CADPS: variants seen among roughly 807,000 people sequenced by gnomAD.
CADPS encodes the protein calcium-dependent secretion activator 1.
In CADPS, 57 loss-of-function variants were observed where a neutral mutation model predicts 167.3. That is an observed-to-expected ratio of 0.34 (90% CI 0.28 to 0.42). CADPS has a LOEUF of 0.42. CADPS is among the 20% of genes least tolerant of loss of function. CADPS has a pLI of 1.00. For missense variants in CADPS, 1,414 were observed against 1,738.1 expected (o/e 0.81, Z 3.32); for synonymous variants, 676 against 635.3 (o/e 1.06, Z -0.96).
chr3:62,549,498 A>G (rs2077002463), intron 11 of CADPS, among the ~76,000 whole-genome samples: 1 of 146,222 alleles, frequency 6.8e-6, no homozygotes. Context: ...TTATTTTTAA[A>G]TGGTTCTAAA....
intron 3 of CADPS, among the ~76,000 whole-genome samples, chr3:62,700,827 T>C (rs1260352378): frequency 6.6e-6 from 1 of 150,508 alleles, no homozygotes; most frequent in Non-Finnish European, 1.5e-5. Context: ...CTCAGTCAGT[T>C]TGGGCTGCTA....
At chr3:62,479,095 G>T (rs1215470204) in intron 22 of CADPS, among the ~76,000 whole-genome samples, 1 of 152,174 alleles carries the variant, frequency 6.6e-6, no homozygotes, top group African/African-American at 2.4e-5. Context: ...TCGAGACAGT[G>T]GAAGTTAGTG....
At chr3:62,833,678 G>A (rs929477605) in intron 1 of CADPS, among the ~76,000 whole-genome samples, 2 of 151,986 alleles carry the variant, frequency 1.3e-5, no homozygotes, top group African/African-American at 2.4e-5. Context: ...GCAAAATACT[G>A]CAGTGCTTTC....
intron 3 of CADPS, among the ~76,000 whole-genome samples, chr3:62,689,549 T>C (rs557488160): frequency 3.3e-5 from 5 of 152,210 alleles, no homozygotes; most frequent in South Asian, 2.1e-4. Flanking sequence ...CACTGCTTTA[T>C]AAAATGTAGT....
intron 3 of CADPS, among the ~76,000 whole-genome samples, chr3:62,712,774 A>G (rs1168508077): frequency 6.6e-6 from 1 of 152,188 alleles, no homozygotes; most frequent in Non-Finnish European, 1.5e-5. Context: ...ATTCCACTGG[A>G]GATGTTTGGC....
chr3:62,466,272 T>C, intron 25 of CADPS, 67 bp downstream of exon 25: 2 of 1,110,726 alleles, frequency 1.8e-6, no homozygotes, highest in Non-Finnish European at 2.7e-6. Flanking sequence ...TGTTACATTT[T>C]AATGGAAATG....
At chr3:62,591,937 G>A (rs2086140040) in intron 7 of CADPS, among the ~76,000 whole-genome samples, 1 of 152,102 alleles carries the variant, frequency 6.6e-6, no homozygotes. Flanking sequence ...ATTGGTGGAG[G>A]TGAAAAAATC....
At chr3:62,606,250 A>C (rs1190447485) in intron 6 of CADPS, among the ~76,000 whole-genome samples, 2 of 152,164 alleles carry the variant, frequency 1.3e-5, no homozygotes, top group Non-Finnish European at 2.9e-5. Flanking sequence ...ACATTGTAAA[A>C]TGTAATCTCC....
At chr3:62,681,043 A>G (rs922437448) in intron 3 of CADPS, among the ~76,000 whole-genome samples, 3 of 151,910 alleles carry the variant, frequency 2.0e-5, no homozygotes, top group Non-Finnish European at 2.9e-5. Flanking sequence ...TGATTCCCCG[A>G]CCCTGCTCCA....
chr3:62,599,831 T>TAATATATATTATATATAATAA (rs1562716692), intron 6 of CADPS, among the ~76,000 whole-genome samples: 1 of 6,106 alleles, frequency 1.6e-4, no homozygotes, highest in Non-Finnish European at 3.4e-4. Flanking sequence ...ATATTATATA[T>TAATATATATTATATATAATAA]ATAATATATT....
At chr3:62,444,491 C>T (rs990964263) in intron 27 of CADPS, among the ~76,000 whole-genome samples, 5 of 152,204 alleles carry the variant, frequency 3.3e-5, no homozygotes, top group Non-Finnish European at 7.3e-5. Flanking sequence ...GAGTAGTTAG[C>T]TCCCCACGAA....
intron 6 of CADPS, among the ~76,000 whole-genome samples, chr3:62,614,646 G>A (rs1413261212): frequency 1.3e-5 from 2 of 152,138 alleles, no homozygotes; most frequent in Admixed American, 1.3e-4. Flanking sequence ...CTTTGGCAGG[G>A]GAGTGATATA....
chr3:62,864,061 C>A (rs2081274423), intron 1 of CADPS, among the ~76,000 whole-genome samples: 1 of 152,172 alleles, frequency 6.6e-6, no homozygotes, highest in African/African-American at 2.4e-5. Context: ...CCAGAAATTA[C>A]ATCAATTTAG....
At chr3:62,757,428 A>G in intron 2 of CADPS, among the ~76,000 whole-genome samples, 1 of 152,158 alleles carries the variant, frequency 6.6e-6, no homozygotes, top group Non-Finnish European at 1.5e-5. Context: ...TGCCTGAGAC[A>G]GTGCCTGGCA....
In CADPS at chr3:62,725,657, C is replaced by T. The variant is rs559262529; in HGVS notation, c.888+27784G>A. 7.3e-4 allele frequency among the ~76,000 whole-genome samples: 110 copies of T among 150,040 alleles called. 1 individual carries two copies. Among genetic ancestry groups the T allele is most frequent in the African/African-American group, 2.7e-3 (105 of 39,488 alleles). ...GACATTGCTGGTATACAGGAAACAC[C>T]GGTACATTTGCTATTATTATTATTT... On this transcript the variant is annotated intron_variant, in intron 3 of 29. Coordinates refer to ENST00000383710, the MANE Select transcript of CADPS (RefSeq NM_003716.4).
chr3:62,462,174 G>A (rs1189234925), intron 26 of CADPS, among the ~76,000 whole-genome samples: 1 of 152,250 alleles, frequency 6.6e-6, no homozygotes, highest in Non-Finnish European at 1.5e-5. Flanking sequence ...TGGGCAGATA[G>A]TTGCTAATTG....
chr3:62,698,477 C>G (rs547151159), intron 3 of CADPS, among the ~76,000 whole-genome samples: 4 of 152,176 alleles, frequency 2.6e-5, no homozygotes, highest in African/African-American at 7.2e-5. Flanking sequence ...CTGCAAATAC[C>G]TGCTCAGGTG....
intron 1 of CADPS, among the ~76,000 whole-genome samples, chr3:62,816,735 C>T (rs1482878371): frequency 6.6e-6 from 1 of 151,912 alleles, no homozygotes; most frequent in African/African-American, 2.4e-5. Flanking sequence ...CACAGGAGAG[C>T]TTTAAAAATG....
At chr3:62,638,083 ATATATATATATG>A (rs754953780) in intron 6 of CADPS, among the ~76,000 whole-genome samples, 2,866 of 31,406 alleles carry the variant, frequency 0.091, 68 homozygotes, top group Non-Finnish European at 0.26. Flanking sequence ...AGCATTATAT[ATATATATATATG>A]TATATATATA....
Sources: gnomAD v4.1 joint callset for allele counts (sites outside exome capture counted in the v4.1 genomes callset) on GRCh38, gnomAD v4.1.1 for gene constraint, MANE v1.5 for transcripts, NCBI Gene and HGNC (gene_info 2026-07-23, HGNC 2026-07-21) for gene names.